The following ARHGEF33 variants were observed in gnomAD, a reference collection of about 807,000 sequenced individuals.
ARHGEF33 encodes DH and coiled-coil domain-containing protein ENSP00000381780.
Under a neutral mutation model 101.9 loss-of-function variants are expected in ARHGEF33, and 72 were observed. The observed-to-expected ratio is 0.71, with a 90% CI of 0.58 to 0.86. ARHGEF33 has a LOEUF of 0.86. Ranked by LOEUF, ARHGEF33 falls within the 40% of genes least tolerant of loss-of-function variation. The pLI is 0.00. For synonymous variants in ARHGEF33, 499 were observed against 442.5 expected (o/e 1.13, Z -1.60); for missense variants, 1,169 against 1,111.3 (o/e 1.05, Z -0.74).
chr2:38,924,720 T>G lies in ARHGEF33; in HGVS notation c.75+3297T>G, dbSNP rs528097516. Among the ~76,000 whole-genome samples, 7 of 152,346 alleles carry G rather than the reference T, an allele frequency of 4.6e-5. No homozygotes were observed. In the South Asian group the frequency reaches 1.2e-3, roughly 27 times the overall value. Reference sequence around the variant, plus strand: ...GAATATACAGCCATATTGCTATAACTTTTCAAATCCTCTGGTCAAATATAA... The same window carrying G: ...GAATATACAGCCATATTGCTATAACGTTTCAAATCCTCTGGTCAAATATAA... On this transcript the variant is annotated intron_variant, in intron 4 of 17. Coordinates refer to ENST00000409978, the MANE Select transcript of ARHGEF33 (RefSeq NM_001145451.5).
In ARHGEF33 at chr2:38,892,645, A is replaced by C. The variant is rs1450140345; in HGVS notation, c.-159+2659A>C. ...GTAGAACCAAGTTCATTATTATAGC[A>C]TATTCAGCCTCCTTTTAGTCTCCTG... On this transcript the variant is annotated intron_variant, in intron 1 of 17. Transcript: ENST00000409978. 2.0e-5 allele frequency among the ~76,000 whole-genome samples: 3 copies of C among 152,354 alleles called. No individual in the cohort carries two copies. In the East Asian group the frequency reaches 5.8e-4, roughly 29 times the overall value.
chr2:38,945,755 G>A (rs1430094947), intron 10 of ARHGEF33, among the ~76,000 whole-genome samples: 3 of 152,246 alleles, frequency 2.0e-5, no homozygotes, highest in African/African-American at 7.2e-5. Context: ...TCAGGGAAAA[G>A]AGAAAACTGT....
At position 38,966,116 on chromosome 2, in the gene ARHGEF33, C is replaced by T; in HGVS notation, c.2454C>T (p.Arg818=). 6.4e-7 allele frequency: 1 copy of T among 1,551,702 alleles called. No homozygotes were observed. The change falls in exon 17 of 18, where the codon CGC becomes CGT. Residue 818 remains arginine (R), a synonymous_variant. Transcript: ENST00000409978. The part of the protein sequence containing the change: ...NPRQDQKGGF[R]SSFRKLFKKK... Reference sequence around the variant, plus strand: ...GGCAAGACCAGAAGGGGGGCTTTCGCAGCTCCTTCCGCAAGCTCTTTAAAA... The same window carrying T: ...GGCAAGACCAGAAGGGGGGCTTTCGTAGCTCCTTCCGCAAGCTCTTTAAAA...
At chr2:38,952,077 CT>C (rs1329108648) in intron 11 of ARHGEF33, among the ~76,000 whole-genome samples, 21 of 152,262 alleles carry the variant, frequency 1.4e-4, no homozygotes, top group African/African-American at 4.8e-4. Context: ...GCCAGAGCTT[CT>C]GATATTTTAA....
chr2:38,961,062 G>A (rs1421769238), intron 16 of ARHGEF33, among the ~76,000 whole-genome samples: 1 of 152,190 alleles, frequency 6.6e-6, no homozygotes, highest in Non-Finnish European at 1.5e-5. Flanking sequence ...GGGCCAGTGT[G>A]TTTCTTCTGT....
At chr2:38,896,331 T>C (rs930506172) in intron 2 of ARHGEF33, among the ~76,000 whole-genome samples, 11 of 152,142 alleles carry the variant, frequency 7.2e-5, no homozygotes, top group Non-Finnish European at 1.5e-4. Flanking sequence ...AGAGACAGGG[T>C]TTCACCATGT....
At position 38,969,431 on chromosome 2, in the gene ARHGEF33, C is replaced by T. The variant is rs947101678; in HGVS notation, c.2483+3286C>T. On this transcript the variant is annotated intron_variant, in intron 17 of 17. Transcript: ENST00000409978. ...GGCTTGTTTGGCTGGTGGCCCCACA[C>T]ACCCAGAATGCTGCTTCGGGATGAA... 2.7e-4 allele frequency: 45 copies of T among 169,204 alleles called. No individual in the cohort carries two copies. In the Admixed American group the frequency reaches 2.7e-3, roughly 10 times the overall value. The allele number at this position is 169,204 out of a possible 1,614,324, so 10.5% of individuals were successfully genotyped here.
intron 2 of ARHGEF33, among the ~76,000 whole-genome samples, chr2:38,915,365 C>G (rs904119210): frequency 6.8e-6 from 1 of 147,286 alleles, no homozygotes; most frequent in South Asian, 2.2e-4. Context: ...TTTTCTCTAA[C>G]GTAGTTTTTT....
chr2:38,915,186 T>C (rs1386766484), intron 2 of ARHGEF33, among the ~76,000 whole-genome samples: 1 of 151,974 alleles, frequency 6.6e-6, no homozygotes, highest in Non-Finnish European at 1.5e-5. Flanking sequence ...AAAATGTTTA[T>C]GCTATAATAT....
intron 1 of ARHGEF33, among the ~76,000 whole-genome samples, chr2:38,893,529 T>A (rs1410811631): frequency 6.6e-6 from 1 of 152,220 alleles, no homozygotes; most frequent in East Asian, 1.9e-4. Flanking sequence ...ATCTTCTTAA[T>A]GAAGCTTTCT....
intron 4 of ARHGEF33, among the ~76,000 whole-genome samples, chr2:38,927,924 T>A (rs948228652): frequency 2.0e-5 from 3 of 152,192 alleles, no homozygotes; most frequent in African/African-American, 7.2e-5. Flanking sequence ...TTAGAAGTGC[T>A]CCATTTTCTC....
At chr2:38,957,862 C>A in intron 14 of ARHGEF33, 172 bp from the exon 15 acceptor site, 1 of 727,502 alleles carries the variant, frequency 1.4e-6, no homozygotes, top group Non-Finnish European at 2.2e-6. Context: ...CCTAGTCCTG[C>A]CAGCTTGCAC....
At chr2:38,951,866 A>G (rs1037151458) in intron 11 of ARHGEF33, among the ~76,000 whole-genome samples, 12 of 152,184 alleles carry the variant, frequency 7.9e-5, no homozygotes, top group African/African-American at 2.2e-4. Flanking sequence ...AATCTCTACA[A>G]TATCCTACAA....
chr2:38,915,478 G>A (rs572461428), intron 2 of ARHGEF33, among the ~76,000 whole-genome samples: 4 of 148,526 alleles, frequency 2.7e-5, no homozygotes, highest in South Asian at 2.1e-4. Context: ...TCTGCCTCCC[G>A]GGTTCAAGCA....
intron 16 of ARHGEF33, among the ~76,000 whole-genome samples, chr2:38,962,399 G>C (rs773717621): frequency 6.6e-6 from 1 of 152,096 alleles, no homozygotes; most frequent in Non-Finnish European, 1.5e-5. Context: ...TTCAACAATT[G>C]TAAGGCAAAA....
chr2:38,965,114 A>G (rs1668025801), intron 16 of ARHGEF33, among the ~76,000 whole-genome samples: 1 of 151,450 alleles, frequency 6.6e-6, no homozygotes, highest in Admixed American at 6.6e-5. Flanking sequence ...TATCTAATTC[A>G]TGAGACTTTT....
chr2:38,891,739 C>T (rs1412418798), intron 1 of ARHGEF33, among the ~76,000 whole-genome samples: 1 of 151,296 alleles, frequency 6.6e-6, no homozygotes, highest in Non-Finnish European at 1.5e-5. Context: ...GCCCCCCACA[C>T]AATTTACATG....
rs182260142 is a variant in ARHGEF33 at position 38,921,495 on chromosome 2, C to T, written c.75+72C>T. 3.5e-5 allele frequency: 37 copies of T among 1,043,008 alleles called. 1 individual carries two copies. Among genetic ancestry groups the T allele is most frequent in the Admixed American group, 2.4e-4 (12 of 50,300 alleles). The allele number at this position is 1,043,008 out of a possible 1,614,324, so 64.6% of individuals were successfully genotyped here. ...TGACTGACTATTCTTTATGTGTACA[C>T]GTTTTTAGCACTCACAAGTGCTTCC... On this transcript the variant is annotated intron_variant, in intron 4 of 17. Transcript: ENST00000409978.
At chr2:38,941,570 C>T (rs1236340413) in intron 9 of ARHGEF33, among the ~76,000 whole-genome samples, 35 of 148,132 alleles carry the variant, frequency 2.4e-4, no homozygotes, top group African/African-American at 7.7e-4. Context: ...TTTTTTGAGA[C>T]GGAGTCTTGC....
Sources: allele counts gnomAD v4.1 joint callset (sites outside exome capture counted in the v4.1 genomes callset), GRCh38; gene constraint gnomAD v4.1.1; transcripts MANE v1.5; gene names NCBI Gene and HGNC (gene_info 2026-07-23, HGNC 2026-07-21).